The following PTPRR variants were observed in gnomAD, a reference collection of about 807,000 sequenced individuals.
PTPRR encodes receptor-type tyrosine-protein phosphatase R.
A neutral mutation model predicts 77.2 loss-of-function variants in PTPRR; 38 were observed. The observed-to-expected ratio is 0.49, with a 90% CI of 0.38 to 0.65. The LOEUF (loss-of-function observed/expected upper bound fraction) is 0.65. PTPRR is among the 30% of genes least tolerant of loss of function. The pLI, the probability that PTPRR is intolerant of heterozygous loss-of-function variation, is 0.00. For missense variants in PTPRR, 744 were observed against 799.2 expected (o/e 0.93, Z 0.83); for synonymous variants, 299 against 283.1 (o/e 1.06, Z -0.57).
intron 1 of PTPRR, among the ~76,000 whole-genome samples, chr12:70,893,354 A>G (rs1017109793): frequency 6.6e-6 from 1 of 151,952 alleles, no homozygotes; most frequent in Non-Finnish European, 1.5e-5. Flanking sequence ...ATCATATTTA[A>G]GCTTTCCTTA....
At chr12:70,693,788 G>A (rs11178371) in intron 8 of PTPRR, among the ~76,000 whole-genome samples, 10,306 of 152,040 alleles carry the variant, frequency 0.068, 545 homozygotes, top group East Asian at 0.14. Flanking sequence ...TGAAAATGGG[G>A]CTCTTGAGTA....
At chr12:70,806,231 T>G (rs992821649) in intron 2 of PTPRR, among the ~76,000 whole-genome samples, 7 of 152,130 alleles carry the variant, frequency 4.6e-5, no homozygotes, top group African/African-American at 1.7e-4. Flanking sequence ...AAAGCAACCT[T>G]GAACTGGCTC....
chr12:70,664,011 T>C (rs1886889016), intron 10 of PTPRR, among the ~76,000 whole-genome samples: 1 of 152,220 alleles, frequency 6.6e-6, no homozygotes, highest in African/African-American at 2.4e-5. Context: ...TCTATTATGC[T>C]AAGTACCACT....
At chr12:70,738,578 A>G (rs1022426336) in intron 6 of PTPRR, among the ~76,000 whole-genome samples, 1 of 152,240 alleles carries the variant, frequency 6.6e-6, no homozygotes, top group Non-Finnish European at 1.5e-5. Flanking sequence ...AAAATTGGCC[A>G]TTAGCCGTAC....
At chr12:70,734,550 A>G (rs1233881481) in intron 6 of PTPRR, among the ~76,000 whole-genome samples, 2 of 152,014 alleles carry the variant, frequency 1.3e-5, no homozygotes, top group Non-Finnish European at 2.9e-5. Flanking sequence ...TTTCTGCTTG[A>G]ACCTCAGGGT....
At chr12:70,738,741 G>A (rs1030594945) in intron 6 of PTPRR, among the ~76,000 whole-genome samples, 31 of 152,166 alleles carry the variant, frequency 2.0e-4, no homozygotes, top group African/African-American at 7.5e-4. Context: ...AGCATTTTGG[G>A]AGGGCAAGGA....
At chr12:70,732,970 G>A (rs982557520) in intron 6 of PTPRR, among the ~76,000 whole-genome samples, 35 of 152,124 alleles carry the variant, frequency 2.3e-4, no homozygotes, top group Middle Eastern at 3.4e-3. Context: ...TATGGAACAC[G>A]TACAAGGTGG....
chr12:70,824,338 A>C (rs1335107958), intron 2 of PTPRR, among the ~76,000 whole-genome samples: 2 of 152,236 alleles, frequency 1.3e-5, no homozygotes, highest in Admixed American at 1.3e-4. Flanking sequence ...AGTAGAAACA[A>C]ATACTTTTTC....
chr12:70,719,964 C>T (rs1417940391), intron 6 of PTPRR, among the ~76,000 whole-genome samples: 1 of 152,380 alleles, frequency 6.6e-6, no homozygotes, highest in Admixed American at 6.5e-5. Context: ...CTGCCGACGA[C>T]CCTGAAACCT....
chr12:70,667,902 C>A (rs1887069482), intron 10 of PTPRR, among the ~76,000 whole-genome samples: 1 of 152,028 alleles, frequency 6.6e-6, no homozygotes, highest in South Asian at 2.1e-4. Context: ...ATTTTCAAAG[C>A]ATGAATCCTT....
intron 5 of PTPRR, among the ~76,000 whole-genome samples, chr12:70,753,678 T>C (rs1890474338): frequency 6.6e-6 from 1 of 152,176 alleles, no homozygotes; most frequent in Non-Finnish European, 1.5e-5. Flanking sequence ...TAAAAATGAA[T>C]TAGTAGTCTA....
chr12:70,716,801 T>C lies in PTPRR; in HGVS notation c.1008-15478A>G, dbSNP rs549111115. Among the ~76,000 whole-genome samples the C allele has an allele frequency of 5.3e-5, 8 of 152,298 alleles. No individual in the cohort carries two copies. In the East Asian group the frequency reaches 1.4e-3, roughly 26 times the overall value. On this transcript the variant is annotated intron_variant, in intron 6 of 13. Transcript: ENST00000283228. ...AGTTCAAGGCTGCAGTGAGCTATAA[T>C]TGTGCCACTGCACTCTAGCCTGGGG...
chr12:70,794,703 A>G (rs758821940), intron 2 of PTPRR, among the ~76,000 whole-genome samples: 4 of 152,308 alleles, frequency 2.6e-5, no homozygotes, highest in Non-Finnish European at 5.9e-5. Flanking sequence ...GTCCTCAATG[A>G]CACAGGACCT....
chr12:70,906,645 T>G (rs34839243), intron 1 of PTPRR, among the ~76,000 whole-genome samples: 12,916 of 152,132 alleles, frequency 0.085, 641 homozygotes, highest in Middle Eastern at 0.15. Context: ...AAAGCCAGTT[T>G]TACAGAATTC....
At chr12:70,655,898 A>G (rs2136662409) in intron 13 of PTPRR, among the ~76,000 whole-genome samples, 1 of 152,326 alleles carries the variant, frequency 6.6e-6, no homozygotes, top group Middle Eastern at 3.4e-3. Context: ...TTTTGTCACA[A>G]TTTAATAAAA....
intron 6 of PTPRR, among the ~76,000 whole-genome samples, chr12:70,730,872 T>G (rs879665264): frequency 0.021 from 1,629 of 77,618 alleles, no homozygotes; most frequent in Middle Eastern, 0.065. Context: ...AGGAAGGAGA[T>G]AGAGAAAGAG....
At chr12:70,697,476 T>C (rs975951005) in intron 8 of PTPRR, among the ~76,000 whole-genome samples, 2 of 152,174 alleles carry the variant, frequency 1.3e-5, no homozygotes, top group African/African-American at 2.4e-5. Flanking sequence ...ATTAGATACA[T>C]GATTTGCAAA....
chr12:70,784,183 G>T (rs963577595), intron 2 of PTPRR, among the ~76,000 whole-genome samples: 1 of 152,188 alleles, frequency 6.6e-6, no homozygotes, highest in Admixed American at 6.5e-5. Context: ...AGGAGGGCGG[G>T]GCTTCTGCCT....
At position 70,701,317 on chromosome 12, in the gene PTPRR, C is replaced by T. The variant is rs747027146; in HGVS notation, c.1014G>A (p.Gly338=). Reference sequence around the variant, plus strand: ...TGTCCAATGTAAGAGATACGTTGGACCCTCTTCTACATTGGAGAAGAATGT... The same window carrying T: ...TGTCCAATGTAAGAGATACGTTGGATCCTCTTCTACATTGGAGAAGAATGT... ...MKPIGLQERR[G]SNVSLTLDMS... is the part of the protein sequence containing the mutation. Residue 338 remains glycine, a synonymous_variant, in exon 7 of 14, where the codon GGG becomes GGA. Coordinates refer to ENST00000283228, the MANE Select transcript of PTPRR (RefSeq NM_002849.4). The T allele has an allele frequency of 6.2e-7, 1 of 1,613,172 alleles. No individual in the cohort carries two copies.
Sources: allele counts gnomAD v4.1 joint callset (sites outside exome capture counted in the v4.1 genomes callset), GRCh38; gene constraint gnomAD v4.1.1; transcripts MANE v1.5; gene names NCBI Gene and HGNC (gene_info 2026-07-23, HGNC 2026-07-21).